The following PPP2R2D variants were observed in gnomAD, a reference collection of about 807,000 sequenced individuals.
PPP2R2D encodes the protein serine/threonine-protein phosphatase 2A 55 kDa regulatory subunit B delta isoform.
In PPP2R2D, 9 loss-of-function variants were observed where a neutral mutation model predicts 31.1. The observed-to-expected ratio is 0.29, with a 90% CI of 0.17 to 0.51. The LOEUF (loss-of-function observed/expected upper bound fraction) is 0.51. Ranked by LOEUF, PPP2R2D falls within the 20% of genes least tolerant of loss-of-function variation. PPP2R2D has a pLI of 0.98. For synonymous variants in PPP2R2D, 179 were observed against 172.6 expected, an observed-to-expected ratio of 1.04 and a Z score of -0.29; for missense variants, 391 against 465.6, an observed-to-expected ratio of 0.84 and a Z score of 1.48.
At chr10:131,904,719 A>G (rs1053256450) in intron 2 of PPP2R2D, among the ~76,000 whole-genome samples, 4 of 152,144 alleles carry the variant, frequency 2.6e-5, no homozygotes, top group Non-Finnish European at 5.9e-5. Context: ...CCTCTCTGCA[A>G]TGGGTAAGGA....
intron 2 of PPP2R2D, among the ~76,000 whole-genome samples, chr10:131,928,906 C>G (rs574299938): frequency 6.6e-6 from 1 of 152,184 alleles, no homozygotes; most frequent in African/African-American, 2.4e-5. Context: ...GAGAGCTGAT[C>G]TGATGCATTC....
chr10:131,923,149 C>T (rs904394896), intron 2 of PPP2R2D, among the ~76,000 whole-genome samples: 3 of 152,198 alleles, frequency 2.0e-5, no homozygotes, highest in Non-Finnish European at 4.4e-5. Flanking sequence ...CCTCCCATTC[C>T]CTCCACCCTC....
At position 131,943,933 on chromosome 10, in the gene PPP2R2D, C is replaced by G. The variant is rs782439753; in HGVS notation, c.478-35C>G. 1.9e-5 allele frequency: 15 copies of G among 777,694 alleles called. No individual in the cohort carries two copies. The Admixed American group carries it at 2.2e-4, about 11-fold the overall frequency. 48.2% of individuals were successfully genotyped at this position (777,694 alleles called of 1,614,324 possible). On this transcript the variant is annotated intron_variant, in intron 5 of 8. Coordinates refer to ENST00000455566, the MANE Select transcript of PPP2R2D (RefSeq NM_018461.5). Reference sequence around the variant, plus strand: ...TGTTCTAATTATGTGCTGCTGTGATCTTTGTTTTGAATTCCTATTTCCTTC... The same window carrying G: ...TGTTCTAATTATGTGCTGCTGTGATGTTTGTTTTGAATTCCTATTTCCTTC...
At chr10:131,907,733 G>C (rs1394805109) in intron 2 of PPP2R2D, among the ~76,000 whole-genome samples, 1 of 145,242 alleles carries the variant, frequency 6.9e-6, no homozygotes, top group Non-Finnish European at 1.5e-5. Flanking sequence ...AGCAGAGCGA[G>C]ACTCCATATC....
intron 2 of PPP2R2D, among the ~76,000 whole-genome samples, chr10:131,910,320 C>A (rs1393737955): frequency 6.6e-6 from 1 of 150,574 alleles, no homozygotes; most frequent in Non-Finnish European, 1.5e-5. Context: ...TTAACACATT[C>A]CATTATGTAA....
chr10:131,954,309 C>T lies in PPP2R2D; in HGVS notation c.1083-1375C>T, dbSNP rs187653790. On this transcript the variant is annotated intron_variant, in intron 8 of 8. Transcript: ENST00000455566. ...GTGTCGGCCATACATCATCTGTCGT[C>T]TGTGTTCTGAATAATGGTTACTGTT... 2.6e-5 allele frequency among the ~76,000 whole-genome samples: 4 copies of T among 152,378 alleles called. No homozygotes were observed. In the East Asian group the frequency reaches 5.8e-4, roughly 22 times the overall value.
intron 2 of PPP2R2D, among the ~76,000 whole-genome samples, chr10:131,917,358 A>G (rs2035825205): frequency 7.8e-6 from 1 of 128,052 alleles, no homozygotes; most frequent in Non-Finnish European, 1.6e-5. Flanking sequence ...CAGTGTAGGG[A>G]CCTCACGCAG....
In PPP2R2D at chr10:131,947,828, T is replaced by C. The variant is rs1487968547; in HGVS notation, c.1082+37T>C. 1 of 1,599,946 alleles carries C rather than the reference T, an allele frequency of 6.3e-7. No homozygotes were observed. The highest frequency in any genetic ancestry group is 8.5e-7 in the Non-Finnish European group (1 of 1,169,658). On this transcript the variant is annotated intron_variant, in intron 8 of 8. Transcript: ENST00000455566. The surrounding 1 kb of genome is among the most constrained non-coding windows in gnomAD (Gnocchi z 4.3). ...GTGGAGATGAGCTGTCGCCCCAAGC[T>C]TGCTGGTTTCCGAGAGTGCAAGGTC...
the PPP2R2D span, chr10:131,968,999 A>T: frequency 1.9e-5 from 3 of 159,908 alleles, no homozygotes; most frequent in African/African-American, 7.2e-5. Flanking sequence ...GTCCCAAACT[A>T]AAGATGCAGG....
intron 3 of PPP2R2D, among the ~76,000 whole-genome samples, chr10:131,935,853 C>T (rs902968828): frequency 2.6e-5 from 4 of 152,186 alleles, no homozygotes; most frequent in East Asian, 2.0e-4. Flanking sequence ...CACCTGAGGT[C>T]GGAAGTTCAA....
In PPP2R2D at chr10:131,901,131, G is replaced by C. The variant is rs2035485036; in HGVS notation, c.-18G>C. The C allele has an allele frequency of 5.3e-5, 13 of 246,860 alleles. No homozygotes were observed. Among genetic ancestry groups the C allele is most frequent in the Non-Finnish European group, 8.3e-5 (11 of 131,912 alleles). The allele number at this position is 246,860 out of a possible 1,614,324, so 15.3% of individuals were successfully genotyped here. A position where few individuals can be genotyped will look rare whatever the true frequency, so the allele number is the denominator to read the frequency against. On this transcript the variant is annotated 5_prime_UTR_variant, in exon 1 of 9. Transcript: ENST00000455566. ...CCCTGGTCTGCCGCGGTCCCCGCCC[G>C]TCCCGCCGCCGGCTGCCATGGCAGG...
rs1245679903 is a variant in PPP2R2D at position 131,945,493 on chromosome 10, T to C, written c.820+34T>C. 2 of 1,569,864 alleles carry C rather than the reference T, an allele frequency of 1.3e-6. No homozygotes were observed. Among genetic ancestry groups the C allele is most frequent in the African/African-American group, 1.3e-5 (1 of 74,112 alleles). The stretch of plus-strand genomic sequence containing the variant: ...GTCTGTTGTTGAGATGGAGTCTGGC[T>C]CTGTCACCCAGGCTGCGGTGCAGTG... On this transcript the variant is annotated intron_variant, in intron 7 of 8. Transcript: ENST00000455566. This position sits in a 1 kb window ranked among gnomAD's most constrained non-coding sequence, Gnocchi z 4.8.
chr10:131,930,950 C>G (rs1026025808), intron 2 of PPP2R2D, among the ~76,000 whole-genome samples: 1 of 152,196 alleles, frequency 6.6e-6, no homozygotes, highest in East Asian at 1.9e-4. Flanking sequence ...TACTGTTGCC[C>G]TTTGGATTTC....
At position 131,958,071 on chromosome 10, in the gene PPP2R2D, A is replaced by T; in HGVS notation, c.*2108A>T. ...GCTGATCCCCCATCCCCATGTGGAG[A>T]TGAAGGGGTGTGTTGATCCCCCGTC... On this transcript the variant is annotated 3_prime_UTR_variant, in exon 9 of 9. Transcript: ENST00000455566. 1 of 125,598 alleles carries T rather than the reference A, an allele frequency of 8.0e-6. No homozygotes were observed. The highest frequency in any genetic ancestry group is 2.0e-4 in the South Asian group (1 of 5,040). The allele number at this position is 125,598 out of a possible 1,614,324, so 7.8% of individuals were successfully genotyped here.
Position 131,929,487 on chromosome 10 carries a change from G to C in PPP2R2D, c.101-4971G>C, listed in dbSNP as rs545789314. 5.9e-5 allele frequency among the ~76,000 whole-genome samples: 9 copies of C among 152,282 alleles called. No individual in the cohort carries two copies. In the East Asian group the frequency reaches 1.7e-3, roughly 29 times the overall value. ...AGGTGTGAAGTGGGCGTGGATACTG[G>C]GAGGCAGGCCTGCATTTCTCAAGAC... On this transcript the variant is annotated intron_variant, in intron 2 of 8. Transcript: ENST00000455566.
At chr10:131,908,116 T>C (rs974668862) in intron 2 of PPP2R2D, among the ~76,000 whole-genome samples, 7 of 152,238 alleles carry the variant, frequency 4.6e-5, no homozygotes, top group African/African-American at 9.6e-5. Flanking sequence ...TTTAAAGTAT[T>C]GGGGCTTGGT....
In PPP2R2D at chr10:131,947,501, A is replaced by G; in HGVS notation, c.821-29A>G. On this transcript the variant is annotated intron_variant, in intron 7 of 8. Coordinates refer to ENST00000455566, the MANE Select transcript of PPP2R2D (RefSeq NM_018461.5). This position sits in a 1 kb window ranked among gnomAD's most constrained non-coding sequence, Gnocchi z 4.3. ...ATTTGTTCTCTGATTTTTAAACAGA[A>G]GCTGAAAACATTTTATTTTGTTTTT... is the stretch of plus-strand genomic sequence containing the variant. The G allele has an allele frequency of 6.2e-7, 1 of 1,602,636 alleles. No homozygotes were observed. The highest frequency in any genetic ancestry group is 8.5e-7 in the Non-Finnish European group (1 of 1,173,764).
chr10:131,943,907 G>A, intron 5 of PPP2R2D, 61 bp from the exon 6 acceptor site: 3 of 731,062 alleles, frequency 4.1e-6, no homozygotes. Context: ...TCTACTATAA[G>A]TGTTCTAATT....
downstream of PPP2R2D, among the ~76,000 whole-genome samples, chr10:131,960,933 G>C (rs565200341): frequency 6.6e-6 from 1 of 152,214 alleles, no homozygotes; most frequent in African/African-American, 2.4e-5. Flanking sequence ...GGCTCTGCTC[G>C]TCCTGGGCTG....
Sources: allele counts gnomAD v4.1 joint callset (sites outside exome capture counted in the v4.1 genomes callset), GRCh38; gene constraint gnomAD v4.1.1; non-coding constraint Gnocchi (gnomAD v3.1); transcripts MANE v1.5; gene names NCBI Gene and HGNC (gene_info 2026-07-23, HGNC 2026-07-21).